The following ZNF749 variants were observed in gnomAD, a reference collection of about 807,000 sequenced individuals.
ZNF749 encodes zinc finger protein 749.
Under a neutral mutation model 7.3 loss-of-function variants are expected in ZNF749, and 8 were observed. The observed-to-expected ratio is 1.10, with a 90% CI of 0.64 to 1.98. The LOEUF (loss-of-function observed/expected upper bound fraction) is 1.98, where lower values mean the gene tolerates loss of function less well. Among genes scored for constraint, ZNF749 ranks in the 30% most tolerant of loss-of-function variants. The probability of loss-of-function intolerance (pLI) is 0.00; values close to 1 mark genes in which losing one functional copy is unlikely to be tolerated. For missense variants in ZNF749, 898 were observed against 932.4 expected (o/e 0.96, Z 0.48); for synonymous variants, 310 against 322.4 (o/e 0.96, Z 0.41).
chr19:57,435,532 CG>C lies in ZNF749; in HGVS notation c.-46del, dbSNP rs938342925. 1.3e-6 allele frequency: 2 copies of C among 1,585,848 alleles called. No homozygotes were observed. Among genetic ancestry groups the C allele is most frequent in the Non-Finnish European group, 1.7e-6 (2 of 1,168,386 alleles). On this transcript the variant is annotated 5_prime_UTR_variant, in exon 1 of 3. Coordinates refer to ENST00000334181, the MANE Select transcript of ZNF749 (RefSeq NM_001023561.4). ...CCTCCGTCAGCGTCCAGGTGACCGC[CG>C]TTCCCGCCCCGCTCTTCCCTGGGTG...
Position 57,442,409 on chromosome 19 carries a change from C to T in ZNF749, c.142+398C>T, listed in dbSNP as rs905003685. On this transcript the variant is annotated intron_variant, in intron 2 of 2. Transcript: ENST00000334181. The surrounding 1 kb of genome is among the most constrained non-coding windows in gnomAD (Gnocchi z 6.6). ...TAGGAATTTCAGGCACCTCCCTGGTCACCACTTGTGAGGATTGTGAAGTTA... is the reference window on the plus strand; with the variant it reads ...TAGGAATTTCAGGCACCTCCCTGGTTACCACTTGTGAGGATTGTGAAGTTA... Among the ~76,000 whole-genome samples, 3 of 152,206 alleles carry T rather than the reference C, an allele frequency of 2.0e-5. No homozygotes were observed. Among genetic ancestry groups the T allele is most frequent in the Admixed American group, 2.0e-4 (3 of 15,280 alleles).
upstream of ZNF749, among the ~76,000 whole-genome samples, chr19:57,433,900 T>G (rs1416901722): frequency 6.6e-6 from 1 of 152,128 alleles, no homozygotes; most frequent in Non-Finnish European, 1.5e-5. Flanking sequence ...AAAATAGCTC[T>G]AAATGCCGAC....
chr19:57,437,169 C>G (rs1446776359), intron 1 of ZNF749, among the ~76,000 whole-genome samples: 1 of 152,060 alleles, frequency 6.6e-6, no homozygotes, highest in East Asian at 1.9e-4. Context: ...CAGTTGTCCT[C>G]AGGCATAGGT....
chr19:57,429,954 C>A, the ZNF749 span, among the ~76,000 whole-genome samples: 1 of 152,120 alleles, frequency 6.6e-6, no homozygotes. The surrounding 1 kb of genome is among the most constrained non-coding windows in gnomAD (Gnocchi z 4.2). Flanking sequence ...TGAGGTATGG[C>A]TTTTAGGAGA....
Position 57,435,443 on chromosome 19 carries a change from A to G in ZNF749, c.-136A>G. On this transcript the variant is annotated 5_prime_UTR_variant, in exon 1 of 3. Transcript: ENST00000334181. ...GGTGAAAGAGCGGAAAAACGCGAGA[A>G]GCGGTGTTCCTTCTACACAGAGGCT... The G allele has an allele frequency of 7.6e-7, 1 of 1,320,160 alleles. No homozygotes were observed. Among genetic ancestry groups the G allele is most frequent in the Non-Finnish European group, 1.1e-6 (1 of 949,996 alleles). The allele number at this position is 1,320,160 out of a possible 1,614,324, so 81.8% of individuals were successfully genotyped here.
At chr19:57,428,612 T>C in the ZNF749 span, 1 of 151,990 alleles carries the variant, frequency 6.6e-6, no homozygotes, top group African/African-American at 2.4e-5. Context: ...GCTACTGTTA[T>C]TATTATTTTG....
At position 57,446,403 on chromosome 19, in the gene ZNF749, T is replaced by C. The variant is rs1490013325; in HGVS notation, c.*918T>C. Among the ~76,000 whole-genome samples, 1 of 152,186 alleles carries C rather than the reference T, an allele frequency of 6.6e-6. No homozygotes were observed. The highest frequency in any genetic ancestry group is 2.4e-5 in the African/African-American group (1 of 41,440). On this transcript the variant is annotated 3_prime_UTR_variant, in exon 3 of 3. Transcript: ENST00000334181. ...AACCAGTCCCTGGTGCCAAAGAGGT[T>C]GGGGACCGCTGCTTTAAACTACTCC...
chr19:57,444,348 C>T lies in ZNF749; in HGVS notation c.1200C>T (p.His400=), dbSNP rs755270639. ...GTCACCGCTCCACACTCAATATGCA[C>T]CAGAGAGTTCATGCTGGCAAAAGGC... The part of the protein sequence containing the change: ...FFSHRSTLNM[H]QRVHAGKRLY... The change falls in exon 3 of 3, where the codon CAC becomes CAT. Residue 400 remains histidine (H), a synonymous_variant. Transcript: ENST00000334181. 2 of 1,614,052 alleles carry T rather than the reference C, an allele frequency of 1.2e-6. No homozygotes were observed. Among genetic ancestry groups the T allele is most frequent in the Middle Eastern group, 1.6e-4 (1 of 6,062 alleles).
In ZNF749 at chr19:57,444,248, T is replaced by G; in HGVS notation, c.1100T>G (p.Phe367Cys). 1.2e-6 allele frequency: 2 copies of G among 1,613,978 alleles called. No homozygotes were observed. Among genetic ancestry groups the G allele is most frequent in the Non-Finnish European group, 1.7e-6 (2 of 1,179,964 alleles). Residue 367 changes from phenylalanine to cysteine, a missense_variant, in exon 3 of 3, where the codon TTC becomes TGC. Transcript: ENST00000334181. Reference protein sequence around the residue: ...SECGKLFMDSFTLGRHQRVHT... With the variant: ...SECGKLFMDSCTLGRHQRVHT... Reference sequence around the variant, plus strand: ...TGTGGGAAATTGTTTATGGACAGCTTCACACTCGGTAGACATCAGAGAGTT... The same window carrying G: ...TGTGGGAAATTGTTTATGGACAGCTGCACACTCGGTAGACATCAGAGAGTT...
intron 1 of ZNF749, 111 bp from the exon 2 acceptor site, chr19:57,441,774 T>C (rs1023720431): frequency 1.6e-6 from 2 of 1,289,238 alleles, no homozygotes; most frequent in African/African-American, 1.5e-5. Context: ...TGTAAAAACA[T>C]TGGCTGTTAG....
In ZNF749 at chr19:57,443,630, T is replaced by C. The variant is rs1271584994; in HGVS notation, c.482T>C (p.Phe161Ser). 1.2e-6 allele frequency: 2 copies of C among 1,614,196 alleles called. No homozygotes were observed. Among genetic ancestry groups the C allele is most frequent in the Non-Finnish European group, 1.7e-6 (2 of 1,180,036 alleles). The change falls in exon 3 of 3, where the codon TTT becomes TCT. Residue 161 changes from phenylalanine to serine, a missense_variant. By Grantham distance (155) the Phe-to-Ser change is radical. Transcript: ENST00000334181. ...NFTCTQGGKD[F>S]TASSDLLQQQ... ...ACATGCACGCAGGGTGGCAAGGATT[T>C]TACTGCCAGCTCAGACCTTCTCCAG...
rs542355716 is a variant in ZNF749, at chr19:57,436,995, CT to C, written c.15+1411del. ...CAATTACCACAGTGACAAGTGTTTG[CT>C]TTTTTTTTAAGGAAAAAAGAAGCAG... On this transcript the variant is annotated intron_variant, in intron 1 of 2. Transcript: ENST00000334181. This position sits in a 1 kb window ranked among gnomAD's most constrained non-coding sequence, Gnocchi z 4.0. Among the ~76,000 whole-genome samples, 22 of 150,614 alleles carry C rather than the reference CT, an allele frequency of 1.5e-4. No homozygotes were observed. Among genetic ancestry groups the C allele is most frequent in the South Asian group, 1.1e-3 (5 of 4,744 alleles).
chr19:57,443,977 G>T lies in ZNF749; in HGVS notation c.829G>T (p.Gly277Cys). The T allele has an allele frequency of 6.2e-7, 1 of 1,613,854 alleles. No homozygotes were observed. The highest frequency in any genetic ancestry group is 2.2e-5 in the East Asian group (1 of 44,858). ...TCAGCACCAGAAAATTCACAGTGAA[G>T]GCTTTCTTTCAAAAAGGTCTGACCC... ...LVQHQKIHSE[G>C]FLSKRSDPIE... The change falls in exon 3 of 3, where the codon GGC (glycine) becomes TGC (cysteine). Residue 277 changes from glycine to cysteine, a missense_variant. Transcript: ENST00000334181.
chr19:57,438,026 A>C (rs988597850), intron 1 of ZNF749: 7 of 398,424 alleles, frequency 1.8e-5, no homozygotes, highest in Middle Eastern at 6.2e-4. Flanking sequence ...TACAGGGCAG[A>C]GATGGTTGTA....
chr19:57,432,028 T>C (rs1298000632), upstream of ZNF749, among the ~76,000 whole-genome samples: 4 of 151,840 alleles, frequency 2.6e-5, no homozygotes, highest in Non-Finnish European at 5.9e-5. Context: ...AGATGGGGTT[T>C]CTCCATGCTG....
chr19:57,433,111 AGTGTGTGTGTGTGTGTGTGTGTGT>A (rs71186260), upstream of ZNF749, among the ~76,000 whole-genome samples: 8 of 143,412 alleles, frequency 5.6e-5, no homozygotes, highest in South Asian at 2.3e-4. Flanking sequence ...AGTCTTGAGG[AGTGTGTGTGTGTGTGTGTGTGTGT>A]GTGTGTGTGT....
In ZNF749 at chr19:57,439,096, G is replaced by C. The variant is rs1266008389; in HGVS notation, c.16-2789G>C. Among the ~76,000 whole-genome samples the C allele has an allele frequency of 6.6e-6, 1 of 152,114 alleles. No homozygotes were observed. Among genetic ancestry groups the C allele is most frequent in the Non-Finnish European group, 1.5e-5 (1 of 68,024 alleles). On this transcript the variant is annotated intron_variant, in intron 1 of 2. Transcript: ENST00000334181. The surrounding 1 kb of genome is among the most constrained non-coding windows in gnomAD (Gnocchi z 4.3). ...GTTTGAGGAGGGGGGAAAAAGAGGT[G>C]ACCTGACCCAGGTTTTAGTGGCTCC...
intron 1 of ZNF749, chr19:57,438,443 G>A (rs776175709): frequency 9.0e-6 from 2 of 222,512 alleles, no homozygotes; most frequent in Non-Finnish European, 8.7e-6. Flanking sequence ...TCCCCAGTTC[G>A]CCTTCTTTAA....
In ZNF749 at chr19:57,439,535, G is replaced by A. The variant is rs1235778735; in HGVS notation, c.16-2350G>A. On this transcript the variant is annotated intron_variant, in intron 1 of 2. Coordinates refer to ENST00000334181, the MANE Select transcript of ZNF749 (RefSeq NM_001023561.4). The surrounding 1 kb of genome is among the most constrained non-coding windows in gnomAD (Gnocchi z 4.3). ...CACCTGTAATCCCAGCACTTTGGGAGGCAGAGGTGGGAAGATTGCTTGAGG... is the reference window on the plus strand; with the variant it reads ...CACCTGTAATCCCAGCACTTTGGGAAGCAGAGGTGGGAAGATTGCTTGAGG... 6.6e-6 allele frequency among the ~76,000 whole-genome samples: 1 copy of A among 152,060 alleles called. No homozygotes were observed. The highest frequency in any genetic ancestry group is 1.5e-5 in the Non-Finnish European group (1 of 68,014).
Sources: allele counts gnomAD v4.1 joint callset (sites outside exome capture counted in the v4.1 genomes callset), GRCh38; gene constraint gnomAD v4.1.1; non-coding constraint Gnocchi (gnomAD v3.1); transcripts MANE v1.5; gene names NCBI Gene and HGNC (gene_info 2026-07-23, HGNC 2026-07-21).